Variants in TBPL1 observed in about 807,000 individuals in gnomAD.
TBPL1 encodes the protein TATA-box binding protein like 1.
A neutral mutation model predicts 22.1 loss-of-function variants in TBPL1; 4 were observed. The observed-to-expected ratio is 0.18, with a 90% CI of 0.09 to 0.41. The LOEUF (loss-of-function observed/expected upper bound fraction) is 0.41. TBPL1 is among the 10% of genes least tolerant of loss of function. The pLI, the probability that TBPL1 is intolerant of heterozygous loss-of-function variation, is 1.00. For synonymous variants in TBPL1, 64 were observed against 71.0 expected, an observed-to-expected ratio of 0.90 and a Z score of 0.50; for missense variants, 115 against 222.3, an observed-to-expected ratio of 0.52 and a Z score of 3.07.
Position 133,982,571 on chromosome 6 carries a change from G to A in TBPL1, c.139G>A (p.Val47Ile). ...ATCAGATTTTTTTTCCCCCCAGAAA[G>A]TATTAATGAAGCTTAGAAAACCTAG... is the stretch of plus-strand genomic sequence containing the variant. ...NVIYKRDVGK[V>I]LMKLRKPRIT... The change falls in exon 3 of 7, where the codon GTA becomes ATA. Residue 47 changes from valine to isoleucine, a missense_variant. Val to Ile is a conservative substitution (Grantham distance 29). Transcript: ENST00000237264. 1 of 1,612,064 alleles carries A rather than the reference G, an allele frequency of 6.2e-7. No homozygotes were observed. The highest frequency in any genetic ancestry group is 2.2e-5 in the East Asian group (1 of 44,792).
intron 6 of TBPL1, 34 bp from the exon 7 acceptor site, chr6:133,986,927 C>G (rs1776536518): frequency 1.3e-6 from 2 of 1,495,042 alleles, no homozygotes; most frequent in Non-Finnish European, 1.8e-6. Context: ...TTTTCCAACT[C>G]TTCTCACTCC....
intron 2 of TBPL1, among the ~76,000 whole-genome samples, chr6:133,981,131 C>T (rs1015022980): frequency 6.6e-6 from 1 of 152,038 alleles, no homozygotes; most frequent in Non-Finnish European, 1.5e-5. Flanking sequence ...CACCACCACG[C>T]TCAGCTAATT....
intron 1 of TBPL1, among the ~76,000 whole-genome samples, chr6:133,974,712 G>A (rs921095544): frequency 2.0e-5 from 3 of 152,232 alleles, no homozygotes; most frequent in African/African-American, 7.2e-5. Flanking sequence ...CACAGCCAGA[G>A]TATCTCCTAT....
chr6:133,963,482 T>A (rs1471465788), intron 1 of TBPL1, among the ~76,000 whole-genome samples: 1 of 152,166 alleles, frequency 6.6e-6, no homozygotes, highest in Non-Finnish European at 1.5e-5. Context: ...TGGAGTGCAG[T>A]GGTGTGATCA....
At chr6:133,957,635 A>G (rs1307365928) in intron 1 of TBPL1, among the ~76,000 whole-genome samples, 1 of 152,220 alleles carries the variant, frequency 6.6e-6, no homozygotes, top group East Asian at 1.9e-4. Flanking sequence ...GATTGGTACA[A>G]CACTTAAAGA....
intron 1 of TBPL1, among the ~76,000 whole-genome samples, chr6:133,966,287 A>G (rs994463412): frequency 5.9e-5 from 9 of 152,182 alleles, no homozygotes; most frequent in Non-Finnish European, 1.5e-5. Flanking sequence ...TTGTCTACCA[A>G]GGAGACTATA....
Position 133,954,100 on chromosome 6 carries a change from G to A in TBPL1, c.-45+675G>A, listed in dbSNP as rs541788161. Among the ~76,000 whole-genome samples, 364 of 152,274 alleles carry A rather than the reference G, an allele frequency of 2.4e-3. 1 individual carries two copies. The highest frequency in any genetic ancestry group is 6.8e-3 in the Middle Eastern group (2 of 294). Reference sequence around the variant, plus strand: ...AAAAGTAAATCTAATAGGGCATGAGGGCTTAAAAAGAAAATCTCTCCTGCC... The same window carrying A: ...AAAAGTAAATCTAATAGGGCATGAGAGCTTAAAAAGAAAATCTCTCCTGCC... On this transcript the variant is annotated intron_variant, in intron 1 of 6. Transcript: ENST00000237264.
chr6:133,978,975 G>A (rs1776362303), intron 1 of TBPL1, among the ~76,000 whole-genome samples: 1 of 152,128 alleles, frequency 6.6e-6, no homozygotes, highest in South Asian at 2.1e-4. Context: ...ATTTTTTGAA[G>A]TGTGAAAATG....
rs1776569286 is a variant in TBPL1, at chr6:133,988,448, A to G, written c.*1408A>G. 6.6e-6 allele frequency: 1 copy of G among 152,198 alleles called. No individual in the cohort carries two copies. The highest frequency in any genetic ancestry group is 1.5e-5 in the Non-Finnish European group (1 of 68,024). The allele number at this position is 152,198 out of a possible 1,614,324, so 9.4% of individuals were successfully genotyped here. ...TTAATGGGGACAATATTCCAACACA[A>G]TGTTCCACAAAAACTTGTATTTCCA... On this transcript the variant is annotated 3_prime_UTR_variant, in exon 7 of 7. Coordinates refer to ENST00000237264, the MANE Select transcript of TBPL1 (RefSeq NM_004865.4).
At chr6:133,952,822 A>G (rs1775855633), upstream of TBPL1, 1 of 152,166 alleles carries the variant, frequency 6.6e-6, no homozygotes, top group African/African-American at 2.4e-5. This position sits in a 1 kb window ranked among gnomAD's most constrained non-coding sequence, Gnocchi z 4.5. Flanking sequence ...TACGGTTTTG[A>G]CAAAAAAGTC....
chr6:133,973,252 G>A (rs1776255899), intron 1 of TBPL1, among the ~76,000 whole-genome samples: 1 of 152,128 alleles, frequency 6.6e-6, no homozygotes, highest in African/African-American at 2.4e-5. Flanking sequence ...GGTTCCTATT[G>A]TGTTTGCAAA....
At position 133,981,700 on chromosome 6, in the gene TBPL1, G is replaced by A. The variant is rs7767289; in HGVS notation, c.136-868G>A. Among the ~76,000 whole-genome samples the A allele has an allele frequency of 8.7e-3, 1,324 of 152,182 alleles. 27 individuals are homozygous for A. Among genetic ancestry groups the A allele is most frequent in the African/African-American group, 0.03 (1,241 of 41,528 alleles). On this transcript the variant is annotated intron_variant, in intron 2 of 6. Transcript: ENST00000237264. The stretch of plus-strand genomic sequence containing the variant: ...AATATGGCATATGACAGAGAATGAA[G>A]AACACAAAATGTAACAAAAATTTTA...
In TBPL1 at chr6:133,988,572, G is replaced by A. The variant is rs567422535; in HGVS notation, c.*1532G>A. 5 of 152,222 alleles carry A rather than the reference G, an allele frequency of 3.3e-5. No homozygotes were observed. The East Asian group carries it at 5.8e-4, about 18-fold the overall frequency. 9.4% of individuals were successfully genotyped at this position (152,222 alleles called of 1,614,324 possible). A position where few individuals can be genotyped will look rare whatever the true frequency, so the allele number is the denominator to read the frequency against. On this transcript the variant is annotated 3_prime_UTR_variant, in exon 7 of 7. Transcript: ENST00000237264. Reference sequence around the variant, plus strand: ...TATAAAATCTTGAAAACCTAGCTTAGGCACTGCACTGAACAACACATATTA... The same window carrying A: ...TATAAAATCTTGAAAACCTAGCTTAAGCACTGCACTGAACAACACATATTA...
chr6:133,963,418 T>C (rs1776057547), intron 1 of TBPL1, among the ~76,000 whole-genome samples: 2 of 152,298 alleles, frequency 1.3e-5, no homozygotes, highest in South Asian at 2.1e-4. Context: ...TCTGTTGTTT[T>C]GTCTTTTGGT....
At chr6:133,975,835 GTTGTA>G (rs1776303423) in intron 1 of TBPL1, among the ~76,000 whole-genome samples, 1 of 152,184 alleles carries the variant, frequency 6.6e-6, no homozygotes, top group Non-Finnish European at 1.5e-5. Flanking sequence ...GGAGGCATCA[GTTGTA>G]TTGTAATGTT....
chr6:133,968,011 C>CTTT (rs535103637), intron 1 of TBPL1, among the ~76,000 whole-genome samples: 22 of 136,088 alleles, frequency 1.6e-4, no homozygotes, highest in African/African-American at 5.6e-4. Context: ...TGACTATTTT[C>CTTT]TTTTTTTTTT....
intron 1 of TBPL1, among the ~76,000 whole-genome samples, chr6:133,972,024 A>G (rs973148253): frequency 6.6e-6 from 1 of 152,226 alleles, no homozygotes; most frequent in South Asian, 2.1e-4. Flanking sequence ...GATAACTACT[A>G]TACAAGTCTG....
chr6:133,987,130 T>A lies in TBPL1; in HGVS notation c.*90T>A, dbSNP rs1776541550. 8.9e-6 allele frequency: 7 copies of A among 785,362 alleles called. No homozygotes were observed. The highest frequency in any genetic ancestry group is 1.4e-5 in the Non-Finnish European group (7 of 497,324). The allele number at this position is 785,362 out of a possible 1,614,324, so 48.6% of individuals were successfully genotyped here. A position where few individuals can be genotyped will look rare whatever the true frequency, so the allele number is the denominator to read the frequency against. The stretch of plus-strand genomic sequence containing the variant: ...AAAAGGAAAACTGGACCAACAATAA[T>A]TGAGGAAATAGACTCTTTTATTCAT... On this transcript the variant is annotated 3_prime_UTR_variant, in exon 7 of 7. Coordinates refer to ENST00000237264, the MANE Select transcript of TBPL1 (RefSeq NM_004865.4).
chr6:133,954,753 T>A (rs1214783917), intron 1 of TBPL1, among the ~76,000 whole-genome samples: 1 of 152,204 alleles, frequency 6.6e-6, no homozygotes, highest in East Asian at 1.9e-4. Flanking sequence ...ACCTGACTTC[T>A]CCTAAGCAAA....
Sources: gnomAD v4.1 joint callset for allele counts (sites outside exome capture counted in the v4.1 genomes callset) on GRCh38, gnomAD v4.1.1 for gene constraint, Gnocchi (gnomAD v3.1) non-coding constraint, MANE v1.5 for transcripts, NCBI Gene and HGNC (gene_info 2026-07-23, HGNC 2026-07-21) for gene names.